Variants in TENM1 observed in about 807,000 individuals in gnomAD.
The protein encoded by TENM1 is teneurin-1.
A neutral mutation model predicts 174.8 loss-of-function variants in TENM1; 35 were observed. The ratio of observed to expected loss-of-function variants is 0.20; its 90% CI spans 0.15 to 0.27. TENM1 has a LOEUF of 0.27. Ranked by LOEUF, TENM1 falls within the 10% of genes least tolerant of loss-of-function variation. The pLI is 1.00. For missense variants in TENM1, 1,633 were observed against 2,130.1 expected (o/e 0.77, Z 4.59); for synonymous variants, 781 against 798.7 (o/e 0.98, Z 0.37).
chrX:124,599,261 A>G (rs771851085), intron 11 of TENM1, among the ~76,000 whole-genome samples: 1 of 111,045 alleles, frequency 9.0e-6, no homozygotes, highest in East Asian at 2.8e-4. Context: ...GGCATGTGCA[A>G]CTCTCTGGGT....
chrX:124,844,855 C>T (rs1032664419), intron 3 of TENM1, among the ~76,000 whole-genome samples: 18 of 111,219 alleles, frequency 1.6e-4, no homozygotes, highest in African/African-American at 5.9e-4. Flanking sequence ...TCACTCCTGA[C>T]CCCCTACTGT....
intron 23 of TENM1, among the ~76,000 whole-genome samples, chrX:124,452,876 G>A (rs749952430): frequency 1.4e-5 from 1 of 69,396 alleles, no homozygotes; most frequent in African/African-American, 5.4e-5. Context: ...TGGGGGGAGG[G>A]GGGAGGGATA....
At chrX:125,091,222 GA>G in the TENM1 span, among the ~76,000 whole-genome samples, 27 of 104,416 alleles carry the variant, frequency 2.6e-4, no homozygotes, top group African/African-American at 8.5e-4. Flanking sequence ...GAGGAAAAGA[GA>G]AAAAAAAAAG....
chrX:124,479,212 G>A (rs759416197), intron 22 of TENM1, among the ~76,000 whole-genome samples: 73 of 112,286 alleles, frequency 6.5e-4, no homozygotes, highest in Admixed American at 1.5e-3. Flanking sequence ...TACCTAGTGT[G>A]AACCACACAT....
intron 3 of TENM1, among the ~76,000 whole-genome samples, chrX:124,836,267 G>C (rs2056389370): frequency 9.0e-6 from 1 of 110,977 alleles, no homozygotes; most frequent in Admixed American, 9.6e-5. Context: ...CCCACTCCCA[G>C]GTCCCCTTTT....
At chrX:124,664,532 G>GAAAAAAAAAAAAA (rs779501054) in intron 6 of TENM1, among the ~76,000 whole-genome samples, 17 of 29,259 alleles carry the variant, frequency 5.8e-4, no homozygotes, top group Admixed American at 9.9e-4. Flanking sequence ...TAAAGCAAAA[G>GAAAAAAAAAAAAA]AAAAAAAAAA....
intron 5 of TENM1, among the ~76,000 whole-genome samples, chrX:124,703,677 T>G (rs1157618686): frequency 8.9e-6 from 1 of 112,106 alleles, no homozygotes; most frequent in South Asian, 3.7e-4. Context: ...CTCAATGATA[T>G]ATGAAAATCA....
the TENM1 span, among the ~76,000 whole-genome samples, chrX:125,143,173 C>T: frequency 1.8e-5 from 2 of 111,544 alleles, no homozygotes; most frequent in African/African-American, 3.3e-5. Flanking sequence ...AGAGTGTGTA[C>T]GTCTATTCAT....
At chrX:125,107,496 C>A in the TENM1 span, among the ~76,000 whole-genome samples, 529 of 111,988 alleles carry the variant, frequency 4.7e-3, 2 homozygotes, top group Non-Finnish European at 7.3e-3. Flanking sequence ...ACAGCCCAAC[C>A]TCTGAGTGGT....
chrX:125,202,182 G>C, the TENM1 span, among the ~76,000 whole-genome samples: 8 of 111,840 alleles, frequency 7.2e-5, no homozygotes, highest in African/African-American at 2.6e-4. Context: ...TAATAGAGCA[G>C]ACATTTGCCA....
intron 19 of TENM1, among the ~76,000 whole-genome samples, chrX:124,502,351 T>C (rs969498239): frequency 8.9e-6 from 1 of 112,455 alleles, no homozygotes; most frequent in African/African-American, 3.2e-5. Context: ...CAAGTCTGTG[T>C]GAAGCAAATG....
intron 1 of TENM1, among the ~76,000 whole-genome samples, chrX:124,901,390 C>T (rs1451368885): frequency 3.6e-5 from 4 of 111,494 alleles, no homozygotes; most frequent in Non-Finnish European, 3.8e-5. Context: ...ATCAGGTGTT[C>T]AGCCTAAAGA....
intron 3 of TENM1, among the ~76,000 whole-genome samples, chrX:124,804,125 T>C (rs1296973308): frequency 1.8e-5 from 2 of 112,145 alleles, no homozygotes; most frequent in Non-Finnish European, 3.8e-5. Context: ...ATTTTCTCTC[T>C]TCTCCCTGGC....
chrX:124,494,656 TC>T (rs2047148647), intron 20 of TENM1, among the ~76,000 whole-genome samples: 2 of 104,395 alleles, frequency 1.9e-5, no homozygotes, highest in South Asian at 4.6e-4. Context: ...ATGCTATCCC[TC>T]CCCCCTTCCC....
intron 5 of TENM1, among the ~76,000 whole-genome samples, chrX:124,696,855 G>A (rs1415096313): frequency 1.8e-5 from 2 of 111,155 alleles, no homozygotes; most frequent in Non-Finnish European, 3.8e-5. Context: ...TGAAACCTAT[G>A]ACTACCAAAG....
At chrX:124,576,379 A>C (rs2858425) in intron 11 of TENM1, among the ~76,000 whole-genome samples, 26,721 of 110,970 alleles carry the variant, frequency 0.24, 2,432 homozygotes, top group South Asian at 0.4. Flanking sequence ...TTAACTTTTA[A>C]GGCTCATGAT....
At chrX:125,067,763 T>C in the TENM1 span, among the ~76,000 whole-genome samples, 1 of 112,432 alleles carries the variant, frequency 8.9e-6, no homozygotes, top group Non-Finnish European at 1.9e-5. Context: ...GGGGATGCTT[T>C]TGTTTTCAAA....
At chrX:124,523,421 C>T (rs768641437) in exon 17 of TENM1, 8 of 1,209,681 alleles carry the variant, frequency 6.6e-6, no homozygotes, top group Non-Finnish European at 8.9e-6. Flanking sequence ...ATGATGTGAG[C>T]GGTGAAGGAA....
At chrX:124,544,926 T>C (rs1363133462) in intron 15 of TENM1, among the ~76,000 whole-genome samples, 1 of 111,061 alleles carries the variant, frequency 9.0e-6, no homozygotes. Flanking sequence ...TGTATGTTTG[T>C]TTGCTTTGTA....
Sources: gnomAD v4.1 joint callset for allele counts (sites outside exome capture counted in the v4.1 genomes callset) on GRCh38, gnomAD v4.1.1 for gene constraint, MANE v1.5 for transcripts, NCBI Gene and HGNC (gene_info 2026-07-23, HGNC 2026-07-21) for gene names.